Variants in CENATAC observed in about 807,000 individuals in gnomAD.
CENATAC encodes centrosomal AT-AC splicing factor.
In CENATAC, 53 loss-of-function variants were observed where a neutral mutation model predicts 53.7. The ratio of observed to expected loss-of-function variants is 0.99; its 90% CI spans 0.79 to 1.24. The LOEUF (loss-of-function observed/expected upper bound fraction) is 1.24. CENATAC is among the 50% of genes most tolerant of loss of function. The pLI, the probability that CENATAC is intolerant of heterozygous loss-of-function variation, is 0.00. For missense variants in CENATAC, 474 were observed against 417.8 expected (o/e 1.13, Z -1.17); for synonymous variants, 156 against 144.6 (o/e 1.08, Z -0.57).
At position 119,015,563 on chromosome 11, in the gene CENATAC, G is replaced by T; in HGVS notation, c.964G>T (p.Ala322Ser). 1 of 1,614,108 alleles carries T rather than the reference G, an allele frequency of 6.2e-7. No individual in the cohort carries two copies. The highest frequency in any genetic ancestry group is 8.5e-7 in the Non-Finnish European group (1 of 1,180,000). The change falls in exon 11 of 11, where the codon GCA becomes TCA. Residue 322 changes from alanine (A) to serine (S), a missense_variant. Coordinates refer to ENST00000334418, the MANE Select transcript of CENATAC (RefSeq NM_198489.3). ...ACATCAATTCAAAACTGAAGCTGCA[G>T]CAATGAAGAAGCAGTCACATACAGA... The part of the protein sequence containing the change: ...SRHQFKTEAA[A>S]MKKQSHTEKS
chr11:119,003,123 A>G lies in CENATAC; in HGVS notation c.383+4014A>G, dbSNP rs1414080787. On this transcript the variant is annotated intron_variant, in intron 3 of 10. Coordinates refer to ENST00000334418, the MANE Select transcript of CENATAC (RefSeq NM_198489.3). ...TCAGGGTGTTGACCTTGGCCACATC[A>G]GTGTCATAGAGCTTCTCTGGTGCTG... The G allele has an allele frequency of 6.6e-6, 3 of 452,984 alleles. No homozygotes were observed. The African/African-American group carries it at 1.1e-4, about 16-fold the overall frequency. The allele number at this position is 452,984 out of a possible 1,614,324, so 28.1% of individuals were successfully genotyped here.
chr11:118,999,368 G>A (rs1386855400), intron 3 of CENATAC: 2 of 380,722 alleles, frequency 5.3e-6, no homozygotes, highest in Non-Finnish European at 9.6e-6. Flanking sequence ...ATGAGGCACC[G>A]AGAATACTAA....
intron 3 of CENATAC, chr11:118,999,364 C>T (rs1942175165): frequency 1.8e-5 from 7 of 389,342 alleles, no homozygotes; most frequent in Non-Finnish European, 2.8e-5. Context: ...AAATATGAGG[C>T]ACCGAGAATA....
intron 3 of CENATAC, among the ~76,000 whole-genome samples, chr11:119,007,363 C>G (rs1028126590): frequency 1.1e-4 from 16 of 152,146 alleles, no homozygotes; most frequent in Middle Eastern, 3.4e-3. Context: ...TTTGTACTTT[C>G]AATAGAGATG....
chr11:119,011,828 A>AT (rs1356001329), intron 5 of CENATAC, 111 bp from the exon 6 acceptor site: 1 of 874,744 alleles, frequency 1.1e-6, no homozygotes, highest in Non-Finnish European at 1.9e-6. Flanking sequence ...AGTACCTTCC[A>AT]TATGCTAATT....
rs576909480 is a variant in CENATAC at position 119,003,082 on chromosome 11, T to C, written c.383+3973T>C. 4.7e-5 allele frequency: 25 copies of C among 527,950 alleles called. No homozygotes were observed. The East Asian group carries it at 1.3e-3, about 27-fold the overall frequency. The allele number at this position is 527,950 out of a possible 1,614,324, so 32.7% of individuals were successfully genotyped here. On this transcript the variant is annotated intron_variant, in intron 3 of 10. Coordinates refer to ENST00000334418, the MANE Select transcript of CENATAC (RefSeq NM_198489.3). Reference sequence around the variant, plus strand: ...AGGAGCCAGTCGAACATGTTCCTTCTCTCCATCAGGCCGAATCAGGGTGTT... The same window carrying C: ...AGGAGCCAGTCGAACATGTTCCTTCCCTCCATCAGGCCGAATCAGGGTGTT...
chr11:119,007,924 AAAGG>A (rs782615430), intron 3 of CENATAC, among the ~76,000 whole-genome samples: 2 of 152,246 alleles, frequency 1.3e-5, no homozygotes, highest in Non-Finnish European at 2.9e-5. Flanking sequence ...AGTGAAAAGA[AAAGG>A]AAGACCAAAG....
Position 119,015,552 on chromosome 11 carries a change from C to CT in CENATAC, c.954dup (p.Glu319Ter). On this transcript the variant is annotated frameshift_variant, in exon 11 of 11. Coordinates refer to ENST00000334418, the MANE Select transcript of CENATAC (RefSeq NM_198489.3). LOFTEE classifies it high-confidence loss of function. ...TTTCCTTTCAGACATCAATTCAAAACTGAAGCTGCAGCAATGAAGAAGCAG... is the reference window on the plus strand; with the variant it reads ...TTTCCTTTCAGACATCAATTCAAAACTTGAAGCTGCAGCAATGAAGAAGCAG... The CT allele has an allele frequency of 1.3e-5, 21 of 1,614,178 alleles. No homozygotes were observed. Among genetic ancestry groups the CT allele is most frequent in the Non-Finnish European group, 1.7e-5 (20 of 1,180,010 alleles).
At chr11:119,010,928 A>C in intron 4 of CENATAC, 98 bp downstream of exon 4, 1 of 1,011,222 alleles carries the variant, frequency 9.9e-7, no homozygotes, top group Non-Finnish European at 1.5e-6. Flanking sequence ...GGATGGTTTC[A>C]GAATGAGACT....
In CENATAC at chr11:119,012,163, G is replaced by C; in HGVS notation, c.593G>C (p.Ser198Thr). 1 of 1,614,152 alleles carries C rather than the reference G, an allele frequency of 6.2e-7. No homozygotes were observed. The highest frequency in any genetic ancestry group is 8.5e-7 in the Non-Finnish European group (1 of 1,180,030). The change falls in exon 7 of 11, where the codon AGC (serine) becomes ACC (threonine). Residue 198 changes from serine to threonine, a missense_variant. Physicochemically the swap from Ser to Thr is moderately conservative, Grantham distance 58. Transcript: ENST00000334418. ...ATGTTTTTCAGCCAAGTAGCTTCCA[G>C]CTTACAGCAGCCCTCAAATTTGGAC... ...WKGMNSQVASSLQQPSNLDLP... is the reference protein window; with the variant it reads ...WKGMNSQVASTLQQPSNLDLP...
At chr11:118,999,332 A>C (rs1320935148) in intron 3 of CENATAC, 1 of 483,196 alleles carries the variant, frequency 2.1e-6, no homozygotes, top group Non-Finnish European at 3.7e-6. Flanking sequence ...CAATACTAAA[A>C]GTTGACTGTT....
chr11:119,011,483 G>A (rs545737355), intron 5 of CENATAC, among the ~76,000 whole-genome samples, 200 bp downstream of exon 5: 3 of 152,166 alleles, frequency 2.0e-5, no homozygotes, highest in South Asian at 4.1e-4. Context: ...AGGTTCAAGC[G>A]ATTCTCCTGC....
intron 8 of CENATAC, 62 bp downstream of exon 8, chr11:119,013,324 T>TA: frequency 7.8e-7 from 1 of 1,288,354 alleles, no homozygotes; most frequent in Non-Finnish European, 1.1e-6. Flanking sequence ...TGAGATGGAG[T>TA]CTTGTTCTGT....
At chr11:118,999,639 GT>G (rs567450139) in intron 3 of CENATAC, among the ~76,000 whole-genome samples, 2 of 151,304 alleles carry the variant, frequency 1.3e-5, no homozygotes, top group African/African-American at 4.9e-5. Context: ...TTGTTTTTAC[GT>G]TTTTTTCTTT....
rs139203713 is a variant in CENATAC, at chr11:119,015,648, C to CCTA, written c.*51_*53dup. Reference sequence around the variant, plus strand: ...AGGCTAAAAGCAAAGTCAACAAACCCCTATTATACCTTCCACCAAATTCTT... The same window carrying CCTA: ...AGGCTAAAAGCAAAGTCAACAAACCCCTACTATTATACCTTCCACCAAATTCTT... On this transcript the variant is annotated 3_prime_UTR_variant, in exon 11 of 11. Transcript: ENST00000334418. 2,702 of 1,547,440 alleles carry CCTA rather than the reference C, an allele frequency of 1.7e-3. 43 individuals carry two copies. The African/African-American group carries it at 0.031, about 18-fold the overall frequency.
chr11:119,013,491 T>G (rs1592079281), intron 8 of CENATAC, among the ~76,000 whole-genome samples: 2 of 139,260 alleles, frequency 1.4e-5, no homozygotes, highest in African/African-American at 2.7e-5. Flanking sequence ...TGAGACGGAG[T>G]CTCGCTCTGT....
At chr11:119,012,063 T>C in intron 6 of CENATAC, 60 bp downstream of exon 6, 2 of 1,613,792 alleles carry the variant, frequency 1.2e-6, no homozygotes, top group Non-Finnish European at 1.7e-6. Flanking sequence ...TCTGCAACCT[T>C]TTGCCTGGGA....
chr11:118,998,293 G>A lies in CENATAC; in HGVS notation c.96G>A (p.Glu32=). ...GCAAGCACCAGCGGCAGCTGAAGGAGGCTTTGGAGAGGCTCCTGCCCCAGG... is the reference window on the plus strand; with the variant it reads ...GCAAGCACCAGCGGCAGCTGAAGGAAGCTTTGGAGAGGCTCCTGCCCCAGG... ...YSRKHQRQLK[E]ALERLLPQVE... Residue 32 remains glutamate, a synonymous_variant, in exon 1 of 11, where the codon GAG becomes GAA. Coordinates refer to ENST00000334418, the MANE Select transcript of CENATAC (RefSeq NM_198489.3). The A allele has an allele frequency of 6.2e-7, 1 of 1,606,200 alleles. No individual in the cohort carries two copies. The highest frequency in any genetic ancestry group is 1.1e-5 in the South Asian group (1 of 89,766).
chr11:118,999,269 A>T, intron 3 of CENATAC, 160 bp downstream of exon 3: 1 of 571,670 alleles, frequency 1.7e-6, no homozygotes, highest in Non-Finnish European at 3.1e-6. Flanking sequence ...TGGACACAAA[A>T]ATGTGACAGT....
Sources: allele counts gnomAD v4.1 joint callset (sites outside exome capture counted in the v4.1 genomes callset), GRCh38; gene constraint gnomAD v4.1.1; transcripts MANE v1.5; gene names NCBI Gene and HGNC (gene_info 2026-07-23, HGNC 2026-07-21).